CEP295: variants seen among roughly 807,000 people sequenced by gnomAD.
CEP295 encodes centrosomal protein 295.
CEP295 carries 190 observed loss-of-function variants against 291.6 expected under a neutral mutation model. The ratio of observed to expected loss-of-function variants is 0.65; its 90% CI spans 0.58 to 0.73. CEP295 has a LOEUF of 0.73. Ranked by LOEUF, CEP295 falls within the 30% of genes least tolerant of loss-of-function variation. CEP295 has a pLI of 0.00. For missense variants in CEP295, 2,863 were observed against 2,949.4 expected, an observed-to-expected ratio of 0.97 and a Z score of 0.68; for synonymous variants, 993 against 1,038.8, an observed-to-expected ratio of 0.96 and a Z score of 0.85.
chr11:93,703,770 T>G (rs1798724517), intron 17 of CEP295, among the ~76,000 whole-genome samples: 1 of 147,208 alleles, frequency 6.8e-6, no homozygotes, highest in African/African-American at 2.5e-5. Context: ...TGTAATTCTT[T>G]TTTTTTTTTT....
intron 18 of CEP295, among the ~76,000 whole-genome samples, chr11:93,712,474 G>C (rs1318825549): frequency 2.0e-5 from 3 of 151,754 alleles, no homozygotes; most frequent in Non-Finnish European, 4.4e-5. Context: ...GGCTGGTCTC[G>C]AACTCCTGAC....
intron 7 of CEP295, among the ~76,000 whole-genome samples, chr11:93,681,694 G>A (rs373298917): frequency 1.3e-5 from 2 of 151,828 alleles, no homozygotes; most frequent in South Asian, 2.1e-4. Context: ...GATTACAGGC[G>A]TGAGCCACCA....
intron 1 of CEP295, among the ~76,000 whole-genome samples, chr11:93,663,592 C>T (rs1230367269): frequency 6.6e-6 from 1 of 152,104 alleles, no homozygotes; most frequent in African/African-American, 2.4e-5. Context: ...AGATTTTGAT[C>T]ATTGTACCAT....
In CEP295 at chr11:93,695,612, GAAAA is replaced by G. The variant is rs749718914; in HGVS notation, c.1654_1657del (p.Lys552LeufsTer15). 2.1e-6 allele frequency: 3 copies of G among 1,440,852 alleles called. No individual in the cohort carries two copies. Among genetic ancestry groups the G allele is most frequent in the Non-Finnish European group, 2.7e-6 (3 of 1,098,276 alleles). 89.3% of individuals were successfully genotyped at this position (1,440,852 alleles called of 1,614,324 possible). ...AGGGCTCAGCTGGAAGAAGAAAAAA[GAAAA>G]AAAACTCAACCGACTGGGGTAGGAT... On this transcript the variant is annotated frameshift_variant, in exon 13 of 30. Transcript: ENST00000325212. LOFTEE classifies it high-confidence loss of function.
intron 20 of CEP295, 29 bp downstream of exon 20, chr11:93,722,079 G>A: frequency 7.4e-7 from 1 of 1,348,804 alleles, no homozygotes; most frequent in Non-Finnish European, 1.0e-6. Context: ...TTATAAATAA[G>A]TTGAAAGACC....
chr11:93,728,548 C>A, intron 24 of CEP295, 133 bp from the exon 25 acceptor site: 1 of 628,632 alleles, frequency 1.6e-6, no homozygotes, highest in Non-Finnish European at 2.6e-6. Flanking sequence ...TTGGTCTTTG[C>A]CAATCATTGC....
In CEP295 at chr11:93,729,527, A is replaced by T. The variant is rs780734059; in HGVS notation, c.7396A>T (p.Thr2466Ser). 5 of 1,551,288 alleles carry T rather than the reference A, an allele frequency of 3.2e-6. No individual in the cohort carries two copies. The highest frequency in any genetic ancestry group is 3.3e-4 in the Middle Eastern group (2 of 6,014). Residue 2466 changes from threonine to serine, a missense_variant, in exon 26 of 30, where the codon ACA becomes TCA. Physicochemically the swap from Thr to Ser is moderately conservative, Grantham distance 58 (BLOSUM62 1). Transcript: ENST00000325212. ...CATAGAAAAACCAAGGACAGCATCT[A>T]CAGGTAAGCCTTGGACGGCCTCCAC... is the stretch of plus-strand genomic sequence containing the variant. ...LSIEKPRTASTETPRRLTPVP... is the reference protein window; with the variant it reads ...LSIEKPRTASSETPRRLTPVP...
chr11:93,719,032 C>T (rs1289010795), intron 18 of CEP295, among the ~76,000 whole-genome samples: 3 of 151,986 alleles, frequency 2.0e-5, no homozygotes, highest in Admixed American at 6.5e-5. Flanking sequence ...CTCTTGAACC[C>T]GGGAGGTGGA....
chr11:93,661,714 G>A lies in CEP295; in HGVS notation c.-87G>A, dbSNP rs1949993731. 1 of 152,776 alleles carries A rather than the reference G, an allele frequency of 6.5e-6. No individual in the cohort carries two copies. Among genetic ancestry groups the A allele is most frequent in the South Asian group, 2.1e-4 (1 of 4,832 alleles). 9.5% of individuals were successfully genotyped at this position (152,776 alleles called of 1,614,324 possible). A position where few individuals can be genotyped will look rare whatever the true frequency, so the allele number is the denominator to read the frequency against. Reference sequence around the variant, plus strand: ...CGGCTGCTGGGCAGCTGATGGGCAGGAGCTTACCAGGCTGGCTTGCTCTGA... The same window carrying A: ...CGGCTGCTGGGCAGCTGATGGGCAGAAGCTTACCAGGCTGGCTTGCTCTGA... On this transcript the variant is annotated 5_prime_UTR_variant, in exon 1 of 30. Coordinates refer to ENST00000325212, the MANE Select transcript of CEP295 (RefSeq NM_033395.2).
At chr11:93,675,537 C>A in intron 5 of CEP295, 34 bp from the exon 6 acceptor site, 2 of 1,187,386 alleles carry the variant, frequency 1.7e-6, no homozygotes, top group Non-Finnish European at 2.3e-6. Context: ...AAAATTAATG[C>A]TTTTAACCTA....
At chr11:93,721,721 G>C (rs1323217043) in intron 19 of CEP295, 1 of 663,632 alleles carries the variant, frequency 1.5e-6, no homozygotes, top group Non-Finnish European at 2.8e-6. Flanking sequence ...TGTTTATAAA[G>C]ATAACAGCTG....
At chr11:93,690,811 T>C (rs1472403670) in intron 10 of CEP295, among the ~76,000 whole-genome samples, 1 of 151,694 alleles carries the variant, frequency 6.6e-6, no homozygotes, top group Admixed American at 6.6e-5. Context: ...ATTCTCCCCC[T>C]TGCCTGACTA....
Position 93,697,562 on chromosome 11 carries a change from G to A in CEP295, c.2650G>A (p.Gly884Ser). The A allele has an allele frequency of 6.4e-7, 1 of 1,551,700 alleles. No individual in the cohort carries two copies. The highest frequency in any genetic ancestry group is 8.7e-7 in the Non-Finnish European group (1 of 1,146,976). ...CKQKEVEQQT[G>S]LSVFLPLVTP... ...ACAGAAAGAAGTGGAACAGCAAACG[G>A]GCCTCTCGGTATTCCTTCCCTTGGT... The change falls in exon 15 of 30, where the codon GGC becomes AGC. Residue 884 changes from glycine (G) to serine (S), a missense_variant. Coordinates refer to ENST00000325212, the MANE Select transcript of CEP295 (RefSeq NM_033395.2).
chr11:93,706,856 T>C lies in CEP295; in HGVS notation c.5708T>C (p.Val1903Ala), dbSNP rs1952544032. 6.5e-7 allele frequency: 1 copy of C among 1,547,898 alleles called. No individual in the cohort carries two copies. Among genetic ancestry groups the C allele is most frequent in the Non-Finnish European group, 8.7e-7 (1 of 1,145,040 alleles). ...AHDPFSCLQL[V>A]GQENVCGDDY... ...GATCCGTTTAGTTGTCTTCAACTGG[T>C]TGGCCAAGAGAATGTCTGTGGTGAT... is the stretch of plus-strand genomic sequence containing the variant. Residue 1903 changes from valine to alanine, a missense_variant, in exon 18 of 30, where the codon GTT becomes GCT. Physicochemically the swap from Val to Ala is moderately conservative, Grantham distance 64. Transcript: ENST00000325212.
rs1440762372 is a variant in CEP295, at chr11:93,699,330, T to C, written c.4418T>C (p.Ile1473Thr). The change falls in exon 15 of 30, where the codon ATT becomes ACT. Residue 1473 changes from isoleucine (I) to threonine (T), a missense_variant. Transcript: ENST00000325212. ...LHAQTDFLPS[I>T]EKTQKELVLS... Reference sequence around the variant, plus strand: ...GCACAGACAGATTTCCTTCCTTCTATTGAGAAAACCCAGAAAGAATTGGTT... The same window carrying C: ...GCACAGACAGATTTCCTTCCTTCTACTGAGAAAACCCAGAAAGAATTGGTT... 7 of 1,552,004 alleles carry C rather than the reference T, an allele frequency of 4.5e-6. No individual in the cohort carries two copies. The highest frequency in any genetic ancestry group is 3.9e-5 in the Admixed American group (2 of 50,982).
chr11:93,673,955 T>C (rs1950567145), intron 5 of CEP295, among the ~76,000 whole-genome samples: 1 of 151,436 alleles, frequency 6.6e-6, no homozygotes, highest in South Asian at 2.1e-4. Context: ...CCCCCTTCTT[T>C]TTTTTTTTTC....
intron 28 of CEP295, 35 bp from the exon 29 acceptor site, chr11:93,730,014 G>A: frequency 6.7e-7 from 1 of 1,495,162 alleles, no homozygotes. Flanking sequence ...ACTTTTTGCA[G>A]TGTTTGTCTC....
chr11:93,714,291 T>G lies in CEP295; in HGVS notation c.5750-7021T>G, dbSNP rs140691144. Among the ~76,000 whole-genome samples, 1,211 of 152,234 alleles carry G rather than the reference T, an allele frequency of 8.0e-3. 22 individuals carry two copies. The highest frequency in any genetic ancestry group is 0.053 in the East Asian group (272 of 5,154). ...TTTTGAGACGGAGTCTTGTTCTGTC[T>G]CCAGGCTGGAGTGCAGTGGCATGAT... On this transcript the variant is annotated intron_variant, in intron 18 of 29. Coordinates refer to ENST00000325212, the MANE Select transcript of CEP295 (RefSeq NM_033395.2).
At position 93,727,442 on chromosome 11, in the gene CEP295, AT is replaced by A. The variant is rs760775549; in HGVS notation, c.6968del (p.Leu2323TyrfsTer3). 1.3e-6 allele frequency: 2 copies of A among 1,551,856 alleles called. No individual in the cohort carries two copies. The highest frequency in any genetic ancestry group is 1.7e-6 in the Non-Finnish European group (2 of 1,147,014). On this transcript the variant is annotated frameshift_variant, in exon 24 of 30. Transcript: ENST00000325212. LOFTEE classifies it high-confidence loss of function. Reference protein sequence around the residue: ...NPQVEETDSRLCVRTVEMGTS... With the variant: ...NPQVEETDSRXCVRTVEMGTS... ...CACAGGTAGAGGAAACTGACTCTCG[AT>A]TATGTGTAAGAACAGTGGAGATGGG... is the stretch of plus-strand genomic sequence containing the variant.
Sources: allele counts gnomAD v4.1 joint callset (sites outside exome capture counted in the v4.1 genomes callset), GRCh38; gene constraint gnomAD v4.1.1; transcripts MANE v1.5; gene names NCBI Gene and HGNC (gene_info 2026-07-23, HGNC 2026-07-21).